The following CARS1 variants were observed in gnomAD, a reference collection of about 807,000 sequenced individuals.
The protein encoded by CARS1 is cysteine--tRNA ligase, cytoplasmic.
Under a neutral mutation model 106.2 loss-of-function variants are expected in CARS1, and 48 were observed. The observed-to-expected ratio is 0.45, with a 90% CI of 0.36 to 0.57. The LOEUF is 0.57. Ranked by LOEUF, CARS1 falls within the 20% of genes least tolerant of loss-of-function variation. CARS1 has a pLI of 0.00. For missense variants in CARS1, 968 were observed against 1,057.2 expected (o/e 0.92, Z 1.17); for synonymous variants, 409 against 403.4 (o/e 1.01, Z -0.17).
In CARS1 at chr11:3,012,289, C is replaced by G; in HGVS notation, c.1987-13G>C. 6.2e-7 allele frequency: 1 copy of G among 1,613,330 alleles called. No homozygotes were observed. The highest frequency in any genetic ancestry group is 8.5e-7 in the Non-Finnish European group (1 of 1,179,236). Reference sequence around the variant, plus strand: ...CTGTGGCCTCGAGCTGCGGAAAGAACAGTTTTGGTTCACTGAGAGCTGCTC... The same window carrying G: ...CTGTGGCCTCGAGCTGCGGAAAGAAGAGTTTTGGTTCACTGAGAGCTGCTC... On this transcript the variant is annotated splice_polypyrimidine_tract_variant and intron_variant, in intron 17 of 22. Transcript: ENST00000380525.
chr11:3,023,349 A>G (rs1851750554), intron 10 of CARS1, among the ~76,000 whole-genome samples: 1 of 152,164 alleles, frequency 6.6e-6, no homozygotes, highest in Non-Finnish European at 1.5e-5. Flanking sequence ...TACTATATCC[A>G]TAGTTACATT....
rs532039555 is a variant in CARS1, at chr11:3,040,745, G to A, written c.455+151C>T. On this transcript the variant is annotated intron_variant, in intron 4 of 22. Coordinates refer to ENST00000380525, the MANE Select transcript of CARS1 (RefSeq NM_001014437.3). The surrounding 1 kb of genome is among the most constrained non-coding windows in gnomAD (Gnocchi z 5.8). ...ATTAAAATTTTCATCTTAAAAATAA[G>A]AGAAGAAATTCAGTCTTGATTCCTC... The A allele has an allele frequency of 2.6e-6, 2 of 755,656 alleles. No individual in the cohort carries two copies. Among genetic ancestry groups the A allele is most frequent in the Admixed American group, 2.6e-5 (1 of 38,570 alleles). 46.8% of individuals were successfully genotyped at this position (755,656 alleles called of 1,614,324 possible).
intron 1 of CARS1, among the ~76,000 whole-genome samples, chr11:3,056,918 C>T (rs969746896): frequency 1.3e-5 from 2 of 152,192 alleles, no homozygotes; most frequent in Non-Finnish European, 2.9e-5. Context: ...GGCAGCGCCC[C>T]GCTCGGGCTC....
intron 19 of CARS1, 74 bp from the exon 20 acceptor site, chr11:3,005,507 G>A (rs534576452): frequency 8.8e-6 from 10 of 1,141,416 alleles, no homozygotes; most frequent in Admixed American, 1.9e-5. Flanking sequence ...GCCCTGCCCT[G>A]CCCTGCCCTG....
At position 3,052,684 on chromosome 11, in the gene CARS1, A is replaced by G. The variant is rs1402693915; in HGVS notation, c.25+4659T>C. Among the ~76,000 whole-genome samples the G allele has an allele frequency of 2.0e-5, 3 of 152,230 alleles. No individual in the cohort carries two copies. The highest frequency in any genetic ancestry group is 6.5e-5 in the Admixed American group (1 of 15,282). On this transcript the variant is annotated intron_variant, in intron 1 of 22. Transcript: ENST00000380525. This position sits in a 1 kb window ranked among gnomAD's most constrained non-coding sequence, Gnocchi z 4.6. Reference sequence around the variant, plus strand: ...AAGCACAGGAGAATGACAGGCTTCCATGAGATGGACGCAGACAGTCATTTG... The same window carrying G: ...AAGCACAGGAGAATGACAGGCTTCCGTGAGATGGACGCAGACAGTCATTTG...
At position 3,041,141 on chromosome 11, in the gene CARS1, T is replaced by C. The variant is rs1854395603; in HGVS notation, c.367-157A>G. 8.1e-7 allele frequency: 1 copy of C among 1,235,438 alleles called. No homozygotes were observed. The highest frequency in any genetic ancestry group is 1.1e-6 in the Non-Finnish European group (1 of 890,118). 76.5% of individuals were successfully genotyped at this position (1,235,438 alleles called of 1,614,324 possible). ...TTACTGTGAAAAGTCACAGTCTCAGTGGGAGCCCAGTGAGATGTACGGCAC... is the reference window on the plus strand; with the variant it reads ...TTACTGTGAAAAGTCACAGTCTCAGCGGGAGCCCAGTGAGATGTACGGCAC... On this transcript the variant is annotated intron_variant, in intron 3 of 22. Transcript: ENST00000380525. The surrounding 1 kb of genome is among the most constrained non-coding windows in gnomAD (Gnocchi z 4.9).
In CARS1 at chr11:3,039,322, G is replaced by A. The variant is rs751161198; in HGVS notation, c.553-30C>T. The A allele has an allele frequency of 7.4e-7, 1 of 1,357,880 alleles. No homozygotes were observed. The highest frequency in any genetic ancestry group is 1.4e-5 in the African/African-American group (1 of 69,886). 84.1% of individuals were successfully genotyped at this position (1,357,880 alleles called of 1,614,324 possible). A position where few individuals can be genotyped will look rare whatever the true frequency, so the allele number is the denominator to read the frequency against. ...GGAGGGAAGGCAGACATTGGGGAGT[G>A]ATGCTTGGATCCCACATGCATCCCT... On this transcript the variant is annotated intron_variant, in intron 5 of 22. Coordinates refer to ENST00000380525, the MANE Select transcript of CARS1 (RefSeq NM_001014437.3). The surrounding 1 kb of genome is among the most constrained non-coding windows in gnomAD (Gnocchi z 5.6).
intron 16 of CARS1, among the ~76,000 whole-genome samples, chr11:3,016,477 C>G (rs548131959): frequency 3.6e-4 from 54 of 152,092 alleles, no homozygotes; most frequent in Admixed American, 2.6e-3. Flanking sequence ...CCCGCCTTGG[C>G]CTCCCAAAGT....
At chr11:3,025,521 C>A (rs1262830287) in intron 10 of CARS1, among the ~76,000 whole-genome samples, 1 of 152,226 alleles carries the variant, frequency 6.6e-6, no homozygotes, top group Non-Finnish European at 1.5e-5. Flanking sequence ...AGCCACCGCA[C>A]CTTTATTTTA....
Position 3,028,550 on chromosome 11 carries a change from G to A in CARS1, c.1031+446C>T, listed in dbSNP as rs958731706. ...GATTGAGACAATACGGGCCAGGGAA[G>A]TGTATGATGGATTTGCCAACAAAAA... On this transcript the variant is annotated intron_variant, in intron 9 of 22. Coordinates refer to ENST00000380525, the MANE Select transcript of CARS1 (RefSeq NM_001014437.3). This position sits in a 1 kb window ranked among gnomAD's most constrained non-coding sequence, Gnocchi z 4.4. 2.9e-5 allele frequency: 7 copies of A among 240,218 alleles called. No individual in the cohort carries two copies. Among genetic ancestry groups the A allele is most frequent in the African/African-American group, 1.6e-4 (7 of 43,810 alleles). The allele number at this position is 240,218 out of a possible 1,614,324, so 14.9% of individuals were successfully genotyped here.
In CARS1 at chr11:3,017,171, C is replaced by T. The variant is rs777923218; in HGVS notation, c.1852G>A (p.Val618Met). ...CNLYMAARKAVRKRPNQALLE... is the reference protein window; with the variant it reads ...CNLYMAARKAMRKRPNQALLE... Reference sequence around the variant, plus strand: ...AGAGCCTGGTTGGGCCTCTTCCTCACGGCTTTCCGGGCTGCCATATAGAGG... The same window carrying T: ...AGAGCCTGGTTGGGCCTCTTCCTCATGGCTTTCCGGGCTGCCATATAGAGG... Residue 618 changes from valine (V) to methionine (M), a missense_variant, in exon 16 of 23, where the codon GTG (valine) becomes ATG (methionine). Coordinates refer to ENST00000380525, the MANE Select transcript of CARS1 (RefSeq NM_001014437.3). The surrounding 1 kb of genome is among the most constrained non-coding windows in gnomAD (Gnocchi z 4.9). 3.8e-5 allele frequency: 61 copies of T among 1,614,046 alleles called. No individual in the cohort carries two copies. The highest frequency in any genetic ancestry group is 1.0e-4 in the Admixed American group (6 of 60,006).
chr11:3,005,371 T>C lies in CARS1; in HGVS notation c.2212A>G (p.Arg738Gly). The C allele has an allele frequency of 1.2e-6, 2 of 1,611,646 alleles. No homozygotes were observed. Among genetic ancestry groups the C allele is most frequent in the Middle Eastern group, 3.3e-4 (2 of 6,054 alleles). Residue 738 changes from arginine (R) to glycine (G), a missense_variant, in exon 20 of 23, where the codon AGA becomes GGA. Arg to Gly is a moderately radical substitution (Grantham distance 125, BLOSUM62 -2). Coordinates refer to ENST00000380525, the MANE Select transcript of CARS1 (RefSeq NM_001014437.3). ...GTCATTTTCACTTTACTCACCCGTC[T>C]CTTTTCTTCTCTCTCTTTTAATAAG... is the stretch of plus-strand genomic sequence containing the variant. The part of the protein sequence containing the change: ...NTLLKEREEK[R>G]RVEEEKRKKK...
chr11:3,050,836 C>A lies in CARS1; in HGVS notation c.26-2835G>T, dbSNP rs1264890484. Among the ~76,000 whole-genome samples, 1 of 152,208 alleles carries A rather than the reference C, an allele frequency of 6.6e-6. No individual in the cohort carries two copies. The highest frequency in any genetic ancestry group is 2.4e-5 in the African/African-American group (1 of 41,450). On this transcript the variant is annotated intron_variant, in intron 1 of 22. Transcript: ENST00000380525. The surrounding 1 kb of genome is among the most constrained non-coding windows in gnomAD (Gnocchi z 6.3). The stretch of plus-strand genomic sequence containing the variant: ...GTCCATATGGCGCCCGCCTCTAGAC[C>A]CTGAGCCTGGCTGCTCTTTCTCTCC...
At position 3,041,517 on chromosome 11, in the gene CARS1, G is replaced by T. The variant is rs1854450977; in HGVS notation, c.367-533C>A. 6.6e-6 allele frequency among the ~76,000 whole-genome samples: 1 copy of T among 152,040 alleles called. No individual in the cohort carries two copies. The highest frequency in any genetic ancestry group is 1.5e-5 in the Non-Finnish European group (1 of 67,992). ...TCTGGCACCACTCCCCAACATCCCA[G>T]CACCCTCAGACCTCTCTGGGGGCAT... On this transcript the variant is annotated intron_variant, in intron 3 of 22. Transcript: ENST00000380525. The surrounding 1 kb of genome is among the most constrained non-coding windows in gnomAD (Gnocchi z 4.9).
At chr11:3,023,996 G>A (rs1032257645) in intron 10 of CARS1, among the ~76,000 whole-genome samples, 39 of 152,178 alleles carry the variant, frequency 2.6e-4, no homozygotes, top group African/African-American at 9.1e-4. Context: ...GGGTTCAAGC[G>A]ATTCTTCTGC....
intron 7 of CARS1, among the ~76,000 whole-genome samples, chr11:3,036,902 G>T (rs1853712833): frequency 6.6e-6 from 1 of 151,796 alleles, no homozygotes; most frequent in Admixed American, 6.6e-5. Context: ...GGCACACTAT[G>T]CTGGGCAAAA....
chr11:3,042,324 C>G, intron 2 of CARS1, 68 bp from the exon 3 acceptor site: 2 of 1,129,708 alleles, frequency 1.8e-6, no homozygotes, highest in Non-Finnish European at 2.6e-6. Context: ...GCCTCTTCAC[C>G]TGGAGACTTG....
rs556643985 is a variant in CARS1 at position 3,012,281 on chromosome 11, G to T, written c.1987-5C>A. ...GGGCATGACTGTGGCCTCGAGCTGC[G>T]GAAAGAACAGTTTTGGTTCACTGAG... On this transcript the variant is annotated splice_region_variant and splice_polypyrimidine_tract_variant and intron_variant, in intron 17 of 22. Coordinates refer to ENST00000380525, the MANE Select transcript of CARS1 (RefSeq NM_001014437.3). The T allele has an allele frequency of 8.7e-6, 14 of 1,613,890 alleles. No homozygotes were observed. In the East Asian group the frequency reaches 1.8e-4, roughly 21 times the overall value.
Position 3,040,975 on chromosome 11 carries a change from T to A in CARS1, c.376A>T (p.Ile126Leu), listed in dbSNP as rs1265130037. 1.9e-6 allele frequency: 3 copies of A among 1,614,040 alleles called. No individual in the cohort carries two copies. The highest frequency in any genetic ancestry group is 1.7e-5 in the Admixed American group (1 of 60,004). Reference sequence around the variant, plus strand: ...GTCACCTTTTTCCCATCTTGAGGTATGAACACTTCCTTTGTTAGGAATGAA... The same window carrying A: ...GTCACCTTTTTCCCATCTTGAGGTAAGAACACTTCCTTTGTTAGGAATGAA... Reference protein sequence around the residue: ...NSLTRNKEVFIPQDGKKVTWY... With the variant: ...NSLTRNKEVFLPQDGKKVTWY... Residue 126 changes from isoleucine to leucine, a missense_variant, in exon 4 of 23, where the codon ATA becomes TTA. Ile to Leu is a conservative substitution (Grantham distance 5). Transcript: ENST00000380525. The surrounding 1 kb of genome is among the most constrained non-coding windows in gnomAD (Gnocchi z 5.8).
Sources: allele counts gnomAD v4.1 joint callset (sites outside exome capture counted in the v4.1 genomes callset), GRCh38; gene constraint gnomAD v4.1.1; non-coding constraint Gnocchi (gnomAD v3.1); transcripts MANE v1.5; gene names NCBI Gene and HGNC (gene_info 2026-07-23, HGNC 2026-07-21).